The following SNX29 variants were observed in gnomAD, a reference collection of about 807,000 sequenced individuals.
SNX29 encodes the protein sorting nexin 29.
SNX29 carries 78 observed loss-of-function variants against 102.1 expected under a neutral mutation model. The observed-to-expected ratio is 0.76, with a 90% CI of 0.64 to 0.92. The LOEUF (loss-of-function observed/expected upper bound fraction) is 0.92. Ranked by LOEUF, SNX29 falls within the 40% of genes least tolerant of loss-of-function variation. The pLI, the probability that SNX29 is intolerant of heterozygous loss-of-function variation, is 0.00. For synonymous variants in SNX29, 580 were observed against 414.5 expected (o/e 1.40, Z -4.85); for missense variants, 1,280 against 1,061.7 (o/e 1.21, Z -2.86).
chr16:12,272,209 A>G (rs1324208108), intron 14 of SNX29, among the ~76,000 whole-genome samples: 1 of 152,196 alleles, frequency 6.6e-6, no homozygotes, highest in Non-Finnish European at 1.5e-5. Context: ...TTCTTCTTAA[A>G]TATAGTCCTA....
intron 14 of SNX29, among the ~76,000 whole-genome samples, chr16:12,244,860 T>C (rs541057844): frequency 3.9e-5 from 6 of 152,308 alleles, no homozygotes; most frequent in African/African-American, 1.4e-4. Flanking sequence ...TCACCATTTG[T>C]TACTGCTACT....
At position 12,478,009 on chromosome 16, in the gene SNX29, T is replaced by A. The variant is rs534419633; in HGVS notation, c.2178+150T>A. On this transcript the variant is annotated intron_variant, in intron 19 of 20. Coordinates refer to ENST00000566228, the MANE Select transcript of SNX29 (RefSeq NM_032167.5). ...AAAAATAGAGAAAAGAAATAGCCATTCATAATTCCACCACCTAAAGATGGT... is the reference window on the plus strand; with the variant it reads ...AAAAATAGAGAAAAGAAATAGCCATACATAATTCCACCACCTAAAGATGGT... 125 of 922,790 alleles carry A rather than the reference T, an allele frequency of 1.4e-4. 1 individual carries two copies. Among genetic ancestry groups the A allele is most frequent in the Non-Finnish European group, 1.8e-4 (118 of 638,702 alleles). The allele number at this position is 922,790 out of a possible 1,614,324, so 57.2% of individuals were successfully genotyped here.
At chr16:12,367,312 GTGTAC>G (rs1260475672) in intron 16 of SNX29, 2 of 152,254 alleles carry the variant, frequency 1.3e-5, no homozygotes, top group African/African-American at 4.8e-5. Context: ...ATACATCTGA[GTGTAC>G]ACCTGGAGTA....
At chr16:12,097,856 G>C (rs2052835717) in intron 11 of SNX29, among the ~76,000 whole-genome samples, 2 of 152,228 alleles carry the variant, frequency 1.3e-5, no homozygotes, top group African/African-American at 4.8e-5. Flanking sequence ...AGCTCAGTTT[G>C]TAAAGTTGGA....
chr16:12,513,410 GT>G (rs1475975793), intron 19 of SNX29, among the ~76,000 whole-genome samples: 1 of 150,638 alleles, frequency 6.6e-6, no homozygotes, highest in East Asian at 2.0e-4. Context: ...CCTCTACTCA[GT>G]TCTCTTTCCT....
At chr16:12,520,116 A>G (rs2090040798) in intron 19 of SNX29, among the ~76,000 whole-genome samples, 1 of 152,320 alleles carries the variant, frequency 6.6e-6, no homozygotes, top group South Asian at 2.1e-4. Context: ...GTCACATTCT[A>G]CCGAGTCCTG....
chr16:12,547,215 C>T (rs1263647241), intron 20 of SNX29, among the ~76,000 whole-genome samples: 1 of 152,150 alleles, frequency 6.6e-6, no homozygotes, highest in Non-Finnish European at 1.5e-5. Flanking sequence ...AAGTGGAGAC[C>T]TGAGGCAGGG....
chr16:12,523,634 C>A (rs760577898), intron 19 of SNX29, among the ~76,000 whole-genome samples: 4 of 152,170 alleles, frequency 2.6e-5, no homozygotes, highest in Non-Finnish European at 5.9e-5. Flanking sequence ...CCACGCAGTC[C>A]CAGTGTGGAC....
At chr16:12,300,822 T>C (rs186409257) in intron 15 of SNX29, among the ~76,000 whole-genome samples, 109 of 152,286 alleles carry the variant, frequency 7.2e-4, no homozygotes, top group African/African-American at 2.5e-3. Context: ...GCAGGGTGTT[T>C]AGTGACATTG....
intron 20 of SNX29, among the ~76,000 whole-genome samples, chr16:12,539,636 A>T (rs1255030683): frequency 6.6e-6 from 1 of 152,190 alleles, no homozygotes; most frequent in Non-Finnish European, 1.5e-5. Flanking sequence ...TGCTAAATGT[A>T]AGAAACTGCA....
At chr16:12,363,435 C>G (rs1443373808) in intron 16 of SNX29, among the ~76,000 whole-genome samples, 3 of 152,164 alleles carry the variant, frequency 2.0e-5, no homozygotes, top group Non-Finnish European at 4.4e-5. Context: ...TCGAGTGACT[C>G]AGGGTCAGGA....
intron 16 of SNX29, among the ~76,000 whole-genome samples, chr16:12,382,499 A>T (rs1355792033): frequency 6.6e-6 from 1 of 152,206 alleles, no homozygotes; most frequent in Admixed American, 6.5e-5. Context: ...AATGATCATG[A>T]TATCTACTCC....
At chr16:12,150,075 A>T (rs9922788) in intron 13 of SNX29, among the ~76,000 whole-genome samples, 7 of 152,004 alleles carry the variant, frequency 4.6e-5, no homozygotes, top group Non-Finnish European at 1.0e-4. Context: ...CAAGGTCCCA[A>T]TGAGGAGTTT....
At chr16:12,521,304 T>A (rs1299170012) in intron 19 of SNX29, among the ~76,000 whole-genome samples, 1 of 152,174 alleles carries the variant, frequency 6.6e-6, no homozygotes, top group African/African-American at 2.4e-5. Flanking sequence ...ATATTGGACA[T>A]TCCTAGAGCA....
At chr16:11,991,937 C>T (rs537811449) in intron 1 of SNX29, among the ~76,000 whole-genome samples, 3 of 152,178 alleles carry the variant, frequency 2.0e-5, no homozygotes, top group Admixed American at 6.6e-5. Context: ...GAGAATCCTA[C>T]TGTAGTTGTT....
intron 15 of SNX29, among the ~76,000 whole-genome samples, chr16:12,300,708 T>C (rs1376819966): frequency 1.3e-5 from 2 of 152,172 alleles, no homozygotes; most frequent in Admixed American, 6.5e-5. Context: ...CCAGCGGCCG[T>C]CGTGACATCT....
At chr16:12,179,127 G>C (rs945340409) in intron 13 of SNX29, among the ~76,000 whole-genome samples, 2 of 152,102 alleles carry the variant, frequency 1.3e-5, no homozygotes, top group African/African-American at 4.8e-5. Context: ...CCTATGTGTA[G>C]ATATCTATAA....
At chr16:12,533,103 C>T (rs1042170178) in intron 20 of SNX29, among the ~76,000 whole-genome samples, 15 of 152,208 alleles carry the variant, frequency 9.9e-5, no homozygotes, top group Non-Finnish European at 1.6e-4. Context: ...CGGGGAGGGA[C>T]AGGTTCAACT....
At chr16:12,377,831 G>C (rs2082933975) in intron 16 of SNX29, among the ~76,000 whole-genome samples, 1 of 152,204 alleles carries the variant, frequency 6.6e-6, no homozygotes, top group Admixed American at 6.5e-5. Flanking sequence ...CAGGATCAAA[G>C]AGAAGACTGC....
Sources: gnomAD v4.1 joint callset for allele counts (sites outside exome capture counted in the v4.1 genomes callset) on GRCh38, gnomAD v4.1.1 for gene constraint, MANE v1.5 for transcripts, NCBI Gene and HGNC (gene_info 2026-07-23, HGNC 2026-07-21) for gene names.